The following MYO5C variants were observed in gnomAD, a reference collection of about 807,000 sequenced individuals.
The protein encoded by MYO5C is myosin VC, also known as unconventional myosin-Vc.
A neutral mutation model predicts 235.7 loss-of-function variants in MYO5C; 194 were observed. The ratio of observed to expected loss-of-function variants is 0.82; its 90% CI spans 0.73 to 0.93. The LOEUF (loss-of-function observed/expected upper bound fraction) is 0.93. Ranked by LOEUF, MYO5C falls within the 40% of genes least tolerant of loss-of-function variation. The pLI is 0.00. For synonymous variants in MYO5C, 707 were observed against 754.8 expected, an observed-to-expected ratio of 0.94 and a Z score of 1.04; for missense variants, 2,038 against 2,127.2, an observed-to-expected ratio of 0.96 and a Z score of 0.82.
At chr15:52,226,658 C>A (rs1187256801) in intron 25 of MYO5C, among the ~76,000 whole-genome samples, 1 of 152,192 alleles carries the variant, frequency 6.6e-6, no homozygotes, top group African/African-American at 2.4e-5. Flanking sequence ...ACAGCAGCTA[C>A]ATTTAACTGA....
At chr15:52,272,872 G>A (rs1265667434) in intron 5 of MYO5C, 149 bp from the exon 6 acceptor site, 7 of 700,372 alleles carry the variant, frequency 1.0e-5, no homozygotes, top group African/African-American at 1.8e-5. Flanking sequence ...GCAACCCCAC[G>A]CTGGCAGGGA....
chr15:52,221,515 A>T (rs544231709), intron 29 of MYO5C, among the ~76,000 whole-genome samples: 1 of 152,312 alleles, frequency 6.6e-6, no homozygotes, highest in African/African-American at 2.4e-5. Flanking sequence ...CATGTATAGA[A>T]ATCCTATGCT....
chr15:52,272,430 A>C (rs957579459), intron 6 of MYO5C, 150 bp downstream of exon 6: 3 of 718,370 alleles, frequency 4.2e-6, no homozygotes, highest in Non-Finnish European at 6.6e-6. Flanking sequence ...ATTTTTAATA[A>C]ACAGAAAAAA....
intron 8 of MYO5C, among the ~76,000 whole-genome samples, chr15:52,264,841 G>C (rs1473764518): frequency 6.6e-6 from 1 of 152,138 alleles, no homozygotes; most frequent in Non-Finnish European, 1.5e-5. Context: ...AGAAGGTTCC[G>C]AGTGCGTCCT....
chr15:52,248,760 G>A lies in MYO5C; in HGVS notation c.1686C>T (p.Phe562=), dbSNP rs1202774436. 1 of 1,613,936 alleles carries A rather than the reference G, an allele frequency of 6.2e-7. No homozygotes were observed. Among genetic ancestry groups the A allele is most frequent in the Non-Finnish European group, 8.5e-7 (1 of 1,179,888 alleles). The change falls in exon 14 of 41, where the codon TTC becomes TTT. Residue 562 remains phenylalanine (F), a synonymous_variant. Transcript: ENST00000261839. ...AGACGGTGTCTCTGTTTTTCTCCAG[G>A]AAACCTTCACATTTATACTCTACCT... ...ADKVEYKCEG[F]LEKNRDTVYD...
At chr15:52,213,017 A>G (rs2035480600) in intron 34 of MYO5C, among the ~76,000 whole-genome samples, 171 bp downstream of exon 34, 1 of 152,200 alleles carries the variant, frequency 6.6e-6, no homozygotes, top group Admixed American at 6.5e-5. Context: ...GTTACTCCCC[A>G]TTCACAGAGT....
intron 35 of MYO5C, among the ~76,000 whole-genome samples, chr15:52,209,754 G>T (rs1365586591): frequency 6.6e-6 from 1 of 152,250 alleles, no homozygotes; most frequent in East Asian, 1.9e-4. Flanking sequence ...ATCAATTTAT[G>T]GGAGCCCCTT....
At chr15:52,232,219 A>AG (rs1279942587) in intron 24 of MYO5C, among the ~76,000 whole-genome samples, 1,869 of 39,468 alleles carry the variant, frequency 0.047, 521 homozygotes, top group East Asian at 0.19. Flanking sequence ...AAAGAAAGAA[A>AG]ATGAAAGAAA....
At chr15:52,235,888 T>C (rs1008947865) in intron 22 of MYO5C, 125 bp from the exon 23 acceptor site, 3 of 606,640 alleles carry the variant, frequency 4.9e-6, no homozygotes, top group Non-Finnish European at 8.5e-6. Context: ...CTCCTGTCTA[T>C]AGATAACAGC....
rs78039423 is a variant in MYO5C, at chr15:52,215,911, T to C, written c.3955-1221A>G. ...TATCATACAACAATTTAACCTTTGC[T>C]CTATTGTTAGGTATGCATTTCTCTC... On this transcript the variant is annotated intron_variant, in intron 32 of 40. Transcript: ENST00000261839. Among the ~76,000 whole-genome samples the C allele has an allele frequency of 9.8e-5, 15 of 152,344 alleles. No homozygotes were observed. The East Asian group carries it at 2.7e-3, about 27-fold the overall frequency.
chr15:52,280,044 T>C (rs947793164), intron 2 of MYO5C, among the ~76,000 whole-genome samples: 5 of 152,204 alleles, frequency 3.3e-5, no homozygotes, highest in Non-Finnish European at 7.3e-5. Context: ...CCACCAGGGC[T>C]CTACCTATAT....
In MYO5C at chr15:52,256,709, A is replaced by AAGGTTT. The variant is rs749844696; in HGVS notation, c.1319_1324dup (p.Thr441_Phe442insTer). On this transcript the variant is annotated stop_gained, in exon 11 of 41. Coordinates refer to ENST00000261839, the MANE Select transcript of MYO5C (RefSeq NM_018728.4). LOFTEE classifies it high-confidence loss of function. ...AAATTGTTCAAAGCTGTTCACATCAAAGGTTTCAAAACTGAAATACAATTT... is the reference window on the plus strand; with the variant it reads ...AAATTGTTCAAAGCTGTTCACATCAAAGGTTTAGGTTTCAAAACTGAAATACAATTT... The AAGGTTT allele has an allele frequency of 6.2e-7, 1 of 1,612,326 alleles. No individual in the cohort carries two copies. The highest frequency in any genetic ancestry group is 8.5e-7 in the Non-Finnish European group (1 of 1,178,724).
intron 17 of MYO5C, among the ~76,000 whole-genome samples, chr15:52,245,714 G>A (rs1477412019): frequency 3.9e-5 from 6 of 152,202 alleles, no homozygotes; most frequent in Admixed American, 1.3e-4. Context: ...CGGGGGAGGC[G>A]GTGGGGCCAC....
rs1175886394 is a variant in MYO5C at position 52,211,865 on chromosome 15, C to A, written c.4161G>T (p.Val1387=). 6.2e-7 allele frequency: 1 copy of A among 1,613,876 alleles called. No homozygotes were observed. Among genetic ancestry groups the A allele is most frequent in the Non-Finnish European group, 8.5e-7 (1 of 1,179,924 alleles). The part of the protein sequence containing the change: ...NLILDLKPRG[V]VVNMIPGLPA... ...GCAGCCCGGGGATCATGTTCACCAC[C>A]ACGCCACGGGGCTTCAAGTCTGAAG... Residue 1387 remains valine (V), a synonymous_variant, in exon 35 of 41, where the codon GTG becomes GTT. Transcript: ENST00000261839.
At chr15:52,207,081 C>T (rs2035335262) in intron 36 of MYO5C, among the ~76,000 whole-genome samples, 1 of 150,870 alleles carries the variant, frequency 6.6e-6, no homozygotes, top group Non-Finnish European at 1.5e-5. Flanking sequence ...TGCAGTGAGC[C>T]AAGATCGTGC....
rs1292840961 is a variant in MYO5C at position 52,192,550 on chromosome 15, T to C, written c.*1352A>G. On this transcript the variant is annotated 3_prime_UTR_variant, in exon 41 of 41. Transcript: ENST00000261839. ...TGACTGTCAGAAACAGAAGGTGCAA[T>C]TGGGATTCTTAGGTTGGTGACAGAA... 2 of 152,148 alleles carry C rather than the reference T, an allele frequency of 1.3e-5. No individual in the cohort carries two copies. Among genetic ancestry groups the C allele is most frequent in the Admixed American group, 6.5e-5 (1 of 15,278 alleles). The allele number at this position is 152,148 out of a possible 1,614,324, so 9.4% of individuals were successfully genotyped here.
In MYO5C at chr15:52,196,339, G is replaced by A. The variant is rs761224859; in HGVS notation, c.4965C>T (p.Tyr1655=). The change falls in exon 39 of 41, where the codon TAC becomes TAT. Residue 1655 remains tyrosine, a synonymous_variant. Transcript: ENST00000261839. Reference sequence around the variant, plus strand: ...CAGCAGACAGTGAGGTGCAGCGTTCGTAGATCTCCTTGGCATCACTGTCTG... The same window carrying A: ...CAGCAGACAGTGAGGTGCAGCGTTCATAGATCTCCTTGGCATCACTGTCTG... The part of the protein sequence containing the change: ...KTTDSDAKEI[Y]ERCTSLSAVQ... 2.5e-5 allele frequency: 40 copies of A among 1,613,228 alleles called. No homozygotes were observed. Among genetic ancestry groups the A allele is most frequent in the South Asian group, 1.4e-4 (13 of 90,956 alleles).
intron 10 of MYO5C, among the ~76,000 whole-genome samples, chr15:52,259,026 C>T (rs1403961562): frequency 1.3e-5 from 2 of 152,196 alleles, no homozygotes; most frequent in Non-Finnish European, 2.9e-5. Flanking sequence ...GCCTGCTGCC[C>T]TCACCAGTCT....
At chr15:52,253,117 G>A (rs537900301) in intron 12 of MYO5C, among the ~76,000 whole-genome samples, 200 bp downstream of exon 12, 12 of 152,296 alleles carry the variant, frequency 7.9e-5, no homozygotes, top group Admixed American at 2.6e-4. Context: ...CTCCCCAAGC[G>A]TGGTCTACAC....
Sources: gnomAD v4.1 joint callset for allele counts (sites outside exome capture counted in the v4.1 genomes callset) on GRCh38, gnomAD v4.1.1 for gene constraint, MANE v1.5 for transcripts, NCBI Gene and HGNC (gene_info 2026-07-23, HGNC 2026-07-21) for gene names.